Variants in ABCA9 observed in about 807,000 individuals in gnomAD.
The protein encoded by ABCA9 is ATP-binding cassette sub-family A member 9.
In ABCA9, 183 loss-of-function variants were observed where a neutral mutation model predicts 205.3. The observed-to-expected ratio is 0.89, with a 90% CI of 0.79 to 1.01. The LOEUF (loss-of-function observed/expected upper bound fraction) is 1.01, where lower values mean the gene tolerates loss of function less well. ABCA9 is among the 50% of genes least tolerant of loss of function. The probability of loss-of-function intolerance (pLI) is 0.00; values close to 1 mark genes in which losing one functional copy is unlikely to be tolerated. For synonymous variants in ABCA9, 651 were observed against 683.3 expected (o/e 0.95, Z 0.74); for missense variants, 1,805 against 1,912.4 (o/e 0.94, Z 1.05).
At chr17:69,030,962 G>T (rs1475487947) in intron 10 of ABCA9, among the ~76,000 whole-genome samples, 1 of 152,140 alleles carries the variant, frequency 6.6e-6, no homozygotes, top group African/African-American at 2.4e-5. Context: ...AGAACTCTGT[G>T]CACTGGTCTG....
intron 10 of ABCA9, among the ~76,000 whole-genome samples, chr17:69,031,894 T>C (rs1469542899): frequency 1.3e-5 from 2 of 152,206 alleles, no homozygotes; most frequent in Non-Finnish European, 2.9e-5. Context: ...GGACGGTTGT[T>C]ACTATACCAT....
the ABCA9 span, among the ~76,000 whole-genome samples, chr17:69,066,764 G>A: frequency 1.3e-5 from 2 of 152,188 alleles, no homozygotes; most frequent in African/African-American, 4.8e-5. Flanking sequence ...CAACAGATGT[G>A]CTGGGCACTT....
At chr17:68,998,777 T>G (rs1476221242) in intron 25 of ABCA9, among the ~76,000 whole-genome samples, 2 of 151,958 alleles carry the variant, frequency 1.3e-5, no homozygotes, top group African/African-American at 4.8e-5. Flanking sequence ...TCAGAATTCA[T>G]TATTAATTCT....
chr17:68,987,337 T>C (rs1314628284), intron 31 of ABCA9, among the ~76,000 whole-genome samples: 1 of 152,232 alleles, frequency 6.6e-6, no homozygotes, highest in Non-Finnish European at 1.5e-5. Flanking sequence ...TCATTGAGCT[T>C]TCATTTTGGA....
intron 37 of ABCA9, among the ~76,000 whole-genome samples, chr17:68,979,875 C>A (rs923289029): frequency 6.6e-6 from 1 of 152,108 alleles, no homozygotes; most frequent in Non-Finnish European, 1.5e-5. Context: ...CAGGCAGGGG[C>A]AAGGACTTCA....
At chr17:69,015,043 T>C (rs968626068) in intron 22 of ABCA9, among the ~76,000 whole-genome samples, 2 of 152,090 alleles carry the variant, frequency 1.3e-5, no homozygotes, top group Non-Finnish European at 1.5e-5. Flanking sequence ...ACCAGTTCCA[T>C]AGGAAGAGCT....
the ABCA9 span, among the ~76,000 whole-genome samples, chr17:69,075,093 T>G: frequency 6.6e-6 from 1 of 152,186 alleles, no homozygotes; most frequent in African/African-American, 2.4e-5. Context: ...TTAATGGGAT[T>G]ACTGGTTTTT....
At chr17:69,007,915 T>C (rs768783925) in intron 24 of ABCA9, 43 bp from the exon 25 acceptor site, 24 of 1,456,312 alleles carry the variant, frequency 1.6e-5, no homozygotes, top group Admixed American at 1.4e-4. Flanking sequence ...AAATACTATC[T>C]AGAAGAGTAC....
intron 4 of ABCA9, among the ~76,000 whole-genome samples, chr17:69,044,801 A>G (rs2071656800): frequency 6.6e-6 from 1 of 152,148 alleles, no homozygotes; most frequent in Admixed American, 6.5e-5. Context: ...GTTCTCAATG[A>G]TTTTTCATTA....
In ABCA9 at chr17:69,038,546, TA is replaced by T. The variant is rs369777320; in HGVS notation, c.801-2746del. The stretch of plus-strand genomic sequence containing the variant: ...TTCATGCTAAAAACAGTCAATGAAC[TA>T]GGTATTTATGCAACATATCTCAAAA... On this transcript the variant is annotated intron_variant, in intron 6 of 38. Coordinates refer to ENST00000340001, the MANE Select transcript of ABCA9 (RefSeq NM_080283.4). Among the ~76,000 whole-genome samples, 26 of 152,262 alleles carry T rather than the reference TA, an allele frequency of 1.7e-4. 1 individual carries two copies. Among genetic ancestry groups the T allele is most frequent in the African/African-American group, 5.8e-4 (24 of 41,554 alleles).
chr17:69,068,311 G>A, the ABCA9 span, among the ~76,000 whole-genome samples: 10 of 152,112 alleles, frequency 6.6e-5, no homozygotes, highest in Admixed American at 6.5e-4. Context: ...AAGATATCAA[G>A]CCAGTTACTT....
intron 9 of ABCA9, 102 bp from the exon 10 acceptor site, chr17:69,032,378 T>A (rs2071181912): frequency 2.8e-6 from 3 of 1,074,482 alleles, no homozygotes; most frequent in African/African-American, 1.6e-5. Flanking sequence ...GAACCCACAT[T>A]ATCATATTAA....
At chr17:69,064,925 C>T (rs576207277), upstream of ABCA9, among the ~76,000 whole-genome samples, 1 of 152,068 alleles carries the variant, frequency 6.6e-6, no homozygotes, top group East Asian at 1.9e-4. Flanking sequence ...TCTGTCATTC[C>T]ATTATTGTTT....
At chr17:69,006,955 G>C (rs2070160249) in intron 25 of ABCA9, among the ~76,000 whole-genome samples, 1 of 152,192 alleles carries the variant, frequency 6.6e-6, no homozygotes, top group African/African-American at 2.4e-5. Flanking sequence ...GCAATGGATA[G>C]AGCAGTGAAG....
chr17:68,996,009 G>T lies in ABCA9; in HGVS notation c.3441C>A (p.Val1147=). The change falls in exon 26 of 39, where the codon GTC becomes GTA. Residue 1147 remains valine, a synonymous_variant. Transcript: ENST00000340001. Reference sequence around the variant, plus strand: ...GATCAGTAGCAACTATCGAGAAGATGACCACCTAAAACAAATGCACAGTAT... The same window carrying T: ...GATCAGTAGCAACTATCGAGAAGATTACCACCTAAAACAAATGCACAGTAT... ...GIWSFFFLIV[V]IFSIVATDLN... 1 of 1,613,300 alleles carries T rather than the reference G, an allele frequency of 6.2e-7. No individual in the cohort carries two copies. Among genetic ancestry groups the T allele is most frequent in the South Asian group, 1.1e-5 (1 of 91,022 alleles).
intron 25 of ABCA9, among the ~76,000 whole-genome samples, chr17:68,997,604 T>A (rs984088802): frequency 4.0e-5 from 6 of 150,948 alleles, no homozygotes; most frequent in African/African-American, 1.4e-4. Flanking sequence ...CTTTTTTTTT[T>A]TTTTTTGTTA....
At position 69,049,500 on chromosome 17, in the gene ABCA9, A is replaced by C. The variant is rs1567973307; in HGVS notation, c.97-10T>G. On this transcript the variant is annotated splice_polypyrimidine_tract_variant and intron_variant, in intron 2 of 38. Transcript: ENST00000340001. ...ATGAAAAGAGCCATTCCTATATAGC[A>C]ATAAGAGAAAAAGGAAACAAACTGG... The C allele has an allele frequency of 2.6e-5, 42 of 1,590,254 alleles. No homozygotes were observed. Among genetic ancestry groups the C allele is most frequent in the Non-Finnish European group, 3.4e-5 (40 of 1,165,804 alleles).
At chr17:69,011,560 G>T (rs1598368503) in intron 23 of ABCA9, among the ~76,000 whole-genome samples, 1 of 152,080 alleles carries the variant, frequency 6.6e-6, no homozygotes, top group Admixed American at 6.6e-5. Flanking sequence ...TCACAAAAAT[G>T]GAGCTTTAAA....
rs1384694018 is a variant in ABCA9 at position 69,024,327 on chromosome 17, G to A, written c.2168C>T (p.Pro723Leu). 1.3e-6 allele frequency: 2 copies of A among 1,599,372 alleles called. No individual in the cohort carries two copies. Among genetic ancestry groups the A allele is most frequent in the East Asian group, 2.3e-5 (1 of 44,346 alleles). The change falls in exon 17 of 39, where the codon CCA becomes CTA. Residue 723 changes from proline to leucine, a missense_variant. Pro to Leu is a moderately conservative substitution (Grantham distance 98, BLOSUM62 -3). Transcript: ENST00000340001. ...CTTAACCAGTGATGTTATACTCTCTGGATCACACCTTTCATTCAGATGCAA... is the reference window on the plus strand; with the variant it reads ...CTTAACCAGTGATGTTATACTCTCTAGATCACACCTTTCATTCAGATGCAA... ...LSLHLNERCD[P>L]ESITSLVKQH...
Sources: allele counts gnomAD v4.1 joint callset (sites outside exome capture counted in the v4.1 genomes callset), GRCh38; gene constraint gnomAD v4.1.1; transcripts MANE v1.5; gene names NCBI Gene and HGNC (gene_info 2026-07-23, HGNC 2026-07-21).